Variants in FBXW8 observed in about 807,000 individuals in gnomAD.
FBXW8 encodes the protein F-box and WD repeat domain containing 8.
FBXW8 carries 57 observed loss-of-function variants against 65.3 expected under a neutral mutation model. That is an observed-to-expected ratio of 0.87 (90% confidence interval 0.71 to 1.09). The LOEUF (loss-of-function observed/expected upper bound fraction) is 1.09, where lower values mean the gene tolerates loss of function less well. Ranked by LOEUF, FBXW8 falls within the 50% of genes least tolerant of loss-of-function variation. FBXW8 has a pLI of 0.00. For synonymous variants in FBXW8, 308 were observed against 330.2 expected (o/e 0.93, Z 0.73); for missense variants, 777 against 814.8 (o/e 0.95, Z 0.57).
chr12:117,005,827 A>C (rs909491961), intron 7 of FBXW8, among the ~76,000 whole-genome samples: 13 of 152,216 alleles, frequency 8.5e-5, no homozygotes, highest in Admixed American at 1.3e-4. Context: ...CAAGAGCCAC[A>C]TATGTGAGGC....
At chr12:117,001,604 A>G (rs546165691) in intron 7 of FBXW8, among the ~76,000 whole-genome samples, 1 of 151,930 alleles carries the variant, frequency 6.6e-6, no homozygotes, top group African/African-American at 2.4e-5. Flanking sequence ...CTCAGTTTTC[A>G]CTCCGTAAGA....
intron 2 of FBXW8, among the ~76,000 whole-genome samples, chr12:116,934,096 G>A (rs144857173): frequency 1.3e-5 from 2 of 152,254 alleles, no homozygotes; most frequent in African/African-American, 4.8e-5. Flanking sequence ...TCTGTTACTG[G>A]GAGGCCTTTG....
intron 5 of FBXW8, among the ~76,000 whole-genome samples, chr12:116,972,071 T>C (rs1477565215): frequency 2.0e-5 from 3 of 152,226 alleles, no homozygotes; most frequent in Non-Finnish European, 4.4e-5. Flanking sequence ...GCACATTAAA[T>C]TTACACTATA....
At chr12:117,013,903 T>G (rs539100799) in intron 8 of FBXW8, among the ~76,000 whole-genome samples, 5 of 143,034 alleles carry the variant, frequency 3.5e-5, no homozygotes, top group African/African-American at 7.7e-5. Context: ...TAATCACTTG[T>G]TTTTTTTTTT....
chr12:116,985,610 C>A, intron 6 of FBXW8: 1 of 523,826 alleles, frequency 1.9e-6, no homozygotes, highest in Non-Finnish European at 3.3e-6. Context: ...GAGCAGTGAA[C>A]TGACTTGCCC....
At chr12:116,918,226 A>G (rs1209682236) in intron 1 of FBXW8, among the ~76,000 whole-genome samples, 1 of 152,162 alleles carries the variant, frequency 6.6e-6, no homozygotes, top group African/African-American at 2.4e-5. Context: ...TCCTCTGTTC[A>G]TAAACCCAGG....
chr12:116,995,859 C>G (rs1017903899), intron 7 of FBXW8, among the ~76,000 whole-genome samples: 4 of 152,192 alleles, frequency 2.6e-5, no homozygotes, highest in Admixed American at 2.0e-4. Context: ...CCTTCGTGCC[C>G]AAGCAGCCCT....
At chr12:116,938,712 T>C (rs1218376173) in intron 2 of FBXW8, among the ~76,000 whole-genome samples, 1 of 152,254 alleles carries the variant, frequency 6.6e-6, no homozygotes, top group Non-Finnish European at 1.5e-5. Context: ...TTTGTAATCA[T>C]TGAGCACTGC....
intron 9 of FBXW8, 84 bp downstream of exon 9, chr12:117,024,404 T>G: frequency 2.9e-4 from 436 of 1,510,238 alleles, no homozygotes; most frequent in Middle Eastern, 3.6e-4. Flanking sequence ...GGCACGGTGC[T>G]AAATGCCCCC....
intron 5 of FBXW8, among the ~76,000 whole-genome samples, chr12:116,968,556 G>A (rs1004448037): frequency 9.2e-5 from 14 of 152,174 alleles, no homozygotes; most frequent in East Asian, 7.7e-4. Flanking sequence ...TGTGTTTGCC[G>A]TTACAGTGTT....
At chr12:116,975,545 A>G (rs10850737) in intron 5 of FBXW8, among the ~76,000 whole-genome samples, 101,563 of 152,144 alleles carry the variant, frequency 0.67, 39,320 homozygotes, top group Non-Finnish European at 0.85. Context: ...CAGATGAGCA[A>G]TGAGTAACAG....
At chr12:116,934,480 A>AT (rs1424311599) in intron 2 of FBXW8, among the ~76,000 whole-genome samples, 2 of 152,148 alleles carry the variant, frequency 1.3e-5, no homozygotes, top group Non-Finnish European at 2.9e-5. Flanking sequence ...AAAGGAGACA[A>AT]TTTTTTAGTC....
At position 116,985,663 on chromosome 12, in the gene FBXW8, G is replaced by A. The variant is rs12309993; in HGVS notation, c.1032+261G>A. ...AAGTTACGATTCAAACCTCAGGGCTGACTTCAGGGCCAGAGCTGCTCATCA... is the reference window on the plus strand; with the variant it reads ...AAGTTACGATTCAAACCTCAGGGCTAACTTCAGGGCCAGAGCTGCTCATCA... On this transcript the variant is annotated intron_variant, in intron 6 of 10. Coordinates refer to ENST00000652555, the MANE Select transcript of FBXW8 (RefSeq NM_153348.3). 6.5e-3 allele frequency: 2,513 copies of A among 384,554 alleles called. 49 individuals carry two copies. The highest frequency in any genetic ancestry group is 0.046 in the African/African-American group (2,280 of 49,522). The allele number at this position is 384,554 out of a possible 1,614,324, so 23.8% of individuals were successfully genotyped here.
chr12:116,951,479 C>T (rs1883282809), intron 4 of FBXW8: 2 of 152,194 alleles, frequency 1.3e-5, no homozygotes, highest in Non-Finnish European at 2.9e-5. Flanking sequence ...GTGGCCAACT[C>T]ACCCCTTCTT....
intron 1 of FBXW8, among the ~76,000 whole-genome samples, chr12:116,919,530 C>G (rs1880716755): frequency 6.6e-6 from 1 of 152,160 alleles, no homozygotes; most frequent in Non-Finnish European, 1.5e-5. Context: ...ATCGTTAGTA[C>G]TCAGAGTTTG....
At chr12:116,949,481 A>G (rs1474559094) in intron 3 of FBXW8, 137 bp from the exon 4 acceptor site, 2 of 712,192 alleles carry the variant, frequency 2.8e-6, no homozygotes, top group Non-Finnish European at 2.5e-6. Context: ...GTCTTTTTGA[A>G]TGCCCATGGA....
rs1456985317 is a variant in FBXW8 at position 116,945,602 on chromosome 12, A to G, written c.588+74A>G. On this transcript the variant is annotated intron_variant, in intron 3 of 10. Transcript: ENST00000652555. ...CATGGGAATCCAAGCTTTCACTCATAGCCTGAGATTAATTGCCAACAGCGA... is the reference window on the plus strand; with the variant it reads ...CATGGGAATCCAAGCTTTCACTCATGGCCTGAGATTAATTGCCAACAGCGA... 5 of 1,468,330 alleles carry G rather than the reference A, an allele frequency of 3.4e-6. No individual in the cohort carries two copies. The East Asian group carries it at 1.2e-4, about 34-fold the overall frequency. The allele number at this position is 1,468,330 out of a possible 1,614,324, so 91.0% of individuals were successfully genotyped here.
At chr12:116,979,120 T>C (rs769479798) in intron 5 of FBXW8, 6 of 152,246 alleles carry the variant, frequency 3.9e-5, no homozygotes, top group Non-Finnish European at 8.8e-5. Flanking sequence ...TCTGTGCAAG[T>C]ACCATTAGAC....
rs139161745 is a variant in FBXW8 at position 116,951,836 on chromosome 12, T to C, written c.677+2130T>C. 1.7e-3 allele frequency among the ~76,000 whole-genome samples: 263 copies of C among 152,354 alleles called. 5 individuals are homozygous for C. The South Asian group carries it at 0.025, about 14-fold the overall frequency. On this transcript the variant is annotated intron_variant, in intron 4 of 10. Coordinates refer to ENST00000652555, the MANE Select transcript of FBXW8 (RefSeq NM_153348.3). The stretch of plus-strand genomic sequence containing the variant: ...AGTGAAATCTGAAAATAGTCACTCG[T>C]TGATAAACGCATTTGACACTCAAAT...
Sources: allele counts gnomAD v4.1 joint callset (sites outside exome capture counted in the v4.1 genomes callset), GRCh38; gene constraint gnomAD v4.1.1; transcripts MANE v1.5; gene names NCBI Gene and HGNC (gene_info 2026-07-23, HGNC 2026-07-21).